Variants in FBXL17 observed in about 807,000 individuals in gnomAD.
FBXL17 encodes the protein F-box and leucine rich repeat protein 17.
A neutral mutation model predicts 66.2 loss-of-function variants in FBXL17; 22 were observed. That is an observed-to-expected ratio of 0.33 (90% CI 0.24 to 0.47). The LOEUF is 0.47. FBXL17 is among the 20% of genes least tolerant of loss of function. The pLI, the probability that FBXL17 is intolerant of heterozygous loss-of-function variation, is 1.00. For missense variants in FBXL17, 878 were observed against 948.2 expected (o/e 0.93, Z 0.97); for synonymous variants, 474 against 400.5 (o/e 1.18, Z -2.19).
chr5:108,071,883 C>CA (rs1748348078), intron 6 of FBXL17, among the ~76,000 whole-genome samples: 1 of 152,010 alleles, frequency 6.6e-6, no homozygotes, highest in Admixed American at 6.6e-5. Context: ...TTTCTTAAAT[C>CA]AAAGGCCTAG....
At chr5:108,038,320 A>G (rs2112797882) in intron 6 of FBXL17, among the ~76,000 whole-genome samples, 1 of 152,124 alleles carries the variant, frequency 6.6e-6, no homozygotes. Context: ...TTTTTAAAAA[A>G]CCCATCTGAT....
chr5:108,098,124 A>T (rs966878153), intron 6 of FBXL17, among the ~76,000 whole-genome samples: 5 of 152,218 alleles, frequency 3.3e-5, no homozygotes, highest in Admixed American at 6.5e-5. Flanking sequence ...TGACTTCAGT[A>T]AAACTTCAAT....
chr5:108,140,240 C>G (rs896419959), intron 6 of FBXL17, among the ~76,000 whole-genome samples: 4 of 152,070 alleles, frequency 2.6e-5, no homozygotes, highest in Admixed American at 1.3e-4. Context: ...CAGATGGGGT[C>G]TCACTATGTT....
chr5:108,064,341 G>C (rs1748036143), intron 6 of FBXL17, among the ~76,000 whole-genome samples: 1 of 152,054 alleles, frequency 6.6e-6, no homozygotes, highest in African/African-American at 2.4e-5. Flanking sequence ...CACTTCTCTT[G>C]GGATTTGAGC....
intron 4 of FBXL17, among the ~76,000 whole-genome samples, chr5:108,236,288 G>T (rs751262708): frequency 7.2e-5 from 11 of 151,850 alleles, no homozygotes; most frequent in Non-Finnish European, 1.2e-4. Flanking sequence ...AAGGCAGGAG[G>T]ATCATTTGAG....
At chr5:107,889,736 G>T (rs564056220) in intron 7 of FBXL17, among the ~76,000 whole-genome samples, 1 of 152,282 alleles carries the variant, frequency 6.6e-6, no homozygotes, top group East Asian at 1.9e-4. Context: ...TTCAAGTGAA[G>T]AATTTTTTAA....
At chr5:108,243,843 C>T (rs1270820617) in intron 4 of FBXL17, among the ~76,000 whole-genome samples, 1 of 151,980 alleles carries the variant, frequency 6.6e-6, no homozygotes, top group Non-Finnish European at 1.5e-5. Context: ...ATAGTATATA[C>T]AATTTGAATT....
intron 6 of FBXL17, among the ~76,000 whole-genome samples, chr5:108,127,747 C>G (rs1411955112): frequency 1.3e-5 from 2 of 151,972 alleles, no homozygotes; most frequent in African/African-American, 4.8e-5. Context: ...AAGAAAACTT[C>G]CCAAATGCTG....
At chr5:108,278,684 T>G (rs1757580740) in intron 4 of FBXL17, among the ~76,000 whole-genome samples, 1 of 152,100 alleles carries the variant, frequency 6.6e-6, no homozygotes, top group Non-Finnish European at 1.5e-5. Flanking sequence ...AGAACTGGGG[T>G]ATAAGTGGGA....
chr5:108,197,708 G>A (rs1218487066), intron 5 of FBXL17, among the ~76,000 whole-genome samples: 2 of 152,078 alleles, frequency 1.3e-5, no homozygotes, highest in Non-Finnish European at 2.9e-5. Flanking sequence ...ACAAAGGAAT[G>A]ATAGTAATGA....
chr5:108,046,694 T>A (rs1183520457), intron 6 of FBXL17, among the ~76,000 whole-genome samples: 2 of 152,176 alleles, frequency 1.3e-5, no homozygotes, highest in African/African-American at 4.8e-5. Flanking sequence ...TTGAGTGAAG[T>A]ATATAAACCT....
intron 8 of FBXL17, among the ~76,000 whole-genome samples, chr5:107,874,544 G>C (rs1445893464): frequency 1.3e-5 from 2 of 152,206 alleles, no homozygotes; most frequent in Non-Finnish European, 1.5e-5. Context: ...CAAGGTCCCA[G>C]AGACAGTAAA....
At chr5:108,066,187 AAAG>A (rs1748111234) in intron 6 of FBXL17, among the ~76,000 whole-genome samples, 8 of 152,166 alleles carry the variant, frequency 5.3e-5, no homozygotes. Flanking sequence ...CATTGATTAT[AAAG>A]AAGGTCATGA....
rs201464912 is a variant in FBXL17, at chr5:108,312,925, G to A, written c.1506+35474C>T. Among the ~76,000 whole-genome samples, 19 of 152,166 alleles carry A rather than the reference G, an allele frequency of 1.2e-4. No homozygotes were observed. In the East Asian group the frequency reaches 3.7e-3, roughly 29 times the overall value. On this transcript the variant is annotated intron_variant, in intron 4 of 8. Transcript: ENST00000542267. ...CTTCCTATTTTTAGGTTAGACTGAA[G>A]TTATTCATATGAAATAAAATGAATT...
chr5:108,274,112 G>A (rs1251384670), intron 4 of FBXL17, among the ~76,000 whole-genome samples: 8 of 152,060 alleles, frequency 5.3e-5, no homozygotes, highest in South Asian at 2.1e-4. Flanking sequence ...ATGAAGTTTC[G>A]GGCATCATTG....
intron 4 of FBXL17, among the ~76,000 whole-genome samples, chr5:108,257,744 T>A (rs564180329): frequency 6.6e-6 from 1 of 152,272 alleles, no homozygotes; most frequent in East Asian, 1.9e-4. Flanking sequence ...AGTCACGACC[T>A]GATAATGTCT....
chr5:108,167,911 T>C (rs1344439922), intron 6 of FBXL17, among the ~76,000 whole-genome samples: 2 of 152,132 alleles, frequency 1.3e-5, no homozygotes, highest in Non-Finnish European at 2.9e-5. Flanking sequence ...AAATGTTCTT[T>C]AAAGGGTCAG....
chr5:108,324,865 G>A (rs1561529965), intron 4 of FBXL17, among the ~76,000 whole-genome samples: 1 of 152,040 alleles, frequency 6.6e-6, no homozygotes, highest in East Asian at 1.9e-4. Flanking sequence ...TAAGCTAAAT[G>A]AAGTAAGCCA....
chr5:108,024,714 G>C (rs532603149), intron 6 of FBXL17, among the ~76,000 whole-genome samples: 1 of 152,226 alleles, frequency 6.6e-6, no homozygotes, highest in African/African-American at 2.4e-5. Context: ...AGTATCCTAA[G>C]CATCCAGAGT....
Sources: gnomAD v4.1 joint callset for allele counts (sites outside exome capture counted in the v4.1 genomes callset) on GRCh38, gnomAD v4.1.1 for gene constraint, MANE v1.5 for transcripts, NCBI Gene and HGNC (gene_info 2026-07-23, HGNC 2026-07-21) for gene names.